The following COL22A1 variants were observed in gnomAD, a reference collection of about 807,000 sequenced individuals.
The protein encoded by COL22A1 is collagen alpha-1(XXII) chain.
Under a neutral mutation model 248.9 loss-of-function variants are expected in COL22A1, and 221 were observed. The observed-to-expected ratio is 0.89, with a 90% confidence interval of 0.80 to 0.99. COL22A1 has a LOEUF of 0.99. COL22A1 is among the 50% of genes least tolerant of loss of function. COL22A1 has a pLI of 0.00. For missense variants in COL22A1, 2,240 were observed against 2,179.0 expected (o/e 1.03, Z -0.56); for synonymous variants, 891 against 793.4 (o/e 1.12, Z -2.07).
intron 35 of COL22A1, among the ~76,000 whole-genome samples, chr8:138,691,214 C>T (rs1826822150): frequency 6.6e-6 from 1 of 152,162 alleles, no homozygotes; most frequent in South Asian, 2.1e-4. Context: ...TGAGGTTTGG[C>T]CTTATCCTAA....
In COL22A1 at chr8:138,854,841, A is replaced by C. The variant is rs139131373; in HGVS notation, c.659-10683T>G. On this transcript the variant is annotated intron_variant, in intron 3 of 64. Coordinates refer to ENST00000303045, the MANE Select transcript of COL22A1 (RefSeq NM_152888.3). ...GGTGATGATGGTGACGATGATGGTG[A>C]TGATGGTGATGTGGATGAGGTGGTG... is the stretch of plus-strand genomic sequence containing the variant. Among the ~76,000 whole-genome samples, 627 of 151,906 alleles carry C rather than the reference A, an allele frequency of 4.1e-3. 38 individuals carry two copies. The South Asian group carries it at 0.1, about 24-fold the overall frequency.
chr8:138,829,406 T>TTTTTG (rs1819853096), intron 5 of COL22A1, among the ~76,000 whole-genome samples: 3 of 135,348 alleles, frequency 2.2e-5, no homozygotes, highest in East Asian at 2.2e-4. Flanking sequence ...CTTTCCTGTT[T>TTTTTG]TTTTTTTTTT....
chr8:138,724,518 G>T, intron 25 of COL22A1, 97 bp downstream of exon 25: 1 of 1,219,822 alleles, frequency 8.2e-7, no homozygotes, highest in Non-Finnish European at 1.2e-6. Flanking sequence ...CTCAGCTCTA[G>T]GAAAGTGGCT....
intron 12 of COL22A1, among the ~76,000 whole-genome samples, chr8:138,788,071 G>C (rs982863883): frequency 9.2e-5 from 14 of 152,162 alleles, no homozygotes; most frequent in African/African-American, 3.4e-4. Flanking sequence ...AGGCCCTTTA[G>C]TGGGGTCTTA....
chr8:138,673,278 C>T (rs2130783265), intron 41 of COL22A1, among the ~76,000 whole-genome samples: 1 of 150,488 alleles, frequency 6.6e-6, no homozygotes, highest in Middle Eastern at 3.4e-3. Context: ...TGGCGGATCT[C>T]AGCTCACTGC....
intron 3 of COL22A1, among the ~76,000 whole-genome samples, chr8:138,877,477 C>T (rs983749205): frequency 4.6e-5 from 7 of 152,126 alleles, no homozygotes; most frequent in African/African-American, 2.4e-5. Flanking sequence ...CCTCTTTCAT[C>T]CCAAACCCCT....
chr8:138,641,686 C>T (rs187119476), intron 47 of COL22A1, among the ~76,000 whole-genome samples: 477 of 152,290 alleles, frequency 3.1e-3, no homozygotes, highest in African/African-American at 0.01. Context: ...GTAAGATAAA[C>T]CTTGGGGAAG....
At chr8:138,733,288 A>C (rs1359684668) in intron 23 of COL22A1, among the ~76,000 whole-genome samples, 1 of 152,218 alleles carries the variant, frequency 6.6e-6, no homozygotes, top group Non-Finnish European at 1.5e-5. Context: ...ATAGGACATC[A>C]TGGATGTATA....
Position 138,874,287 on chromosome 8 carries a change from A to G in COL22A1, c.658+3463T>C, listed in dbSNP as rs552260935. Among the ~76,000 whole-genome samples, 6 of 152,306 alleles carry G rather than the reference A, an allele frequency of 3.9e-5. 1 individual carries two copies. The South Asian group carries it at 1.2e-3, about 32-fold the overall frequency. On this transcript the variant is annotated intron_variant, in intron 3 of 64. Transcript: ENST00000303045. The stretch of plus-strand genomic sequence containing the variant: ...TTTTGGAGAAGCCCTGTCTTCACAG[A>G]ATCCATGAGCTTTTCTTGACGTGAT...
chr8:138,846,791 T>G (rs1821279318), intron 3 of COL22A1, among the ~76,000 whole-genome samples: 1 of 152,194 alleles, frequency 6.6e-6, no homozygotes, highest in South Asian at 2.1e-4. Context: ...CAAACTCAAT[T>G]CTTTACTGAG....
intron 43 of COL22A1, among the ~76,000 whole-genome samples, chr8:138,661,505 G>T (rs1564159977): frequency 6.6e-6 from 1 of 152,202 alleles, no homozygotes; most frequent in African/African-American, 2.4e-5. Context: ...GGACCATGAG[G>T]ATGCATAAGA....
chr8:138,828,226 C>T (rs1359373412), intron 5 of COL22A1: 3 of 152,110 alleles, frequency 2.0e-5, no homozygotes, highest in African/African-American at 7.3e-5. Flanking sequence ...AGTGCTAGTA[C>T]AGGACCTGGT....
intron 3 of COL22A1, among the ~76,000 whole-genome samples, chr8:138,849,496 G>A (rs1294784623): frequency 2.0e-5 from 3 of 152,214 alleles, no homozygotes; most frequent in African/African-American, 7.2e-5. Flanking sequence ...CAGCTTGCAG[G>A]TGGCAACGTC....
intron 54 of COL22A1, among the ~76,000 whole-genome samples, chr8:138,616,526 A>ATGCTTTCC: frequency 6.6e-6 from 1 of 152,304 alleles, no homozygotes; most frequent in Admixed American, 6.5e-5. Context: ...GGTAAAAGTG[A>ATGCTTTCC]TGCTTTCCAT....
chr8:138,805,011 G>A (rs1389311056), intron 10 of COL22A1, among the ~76,000 whole-genome samples: 1 of 143,584 alleles, frequency 7.0e-6, no homozygotes, highest in East Asian at 2.0e-4. Context: ...GCAATGGTGT[G>A]TGGTGGTGTG....
At chr8:138,829,128 A>G (rs2131803309) in intron 5 of COL22A1, among the ~76,000 whole-genome samples, 1 of 152,274 alleles carries the variant, frequency 6.6e-6, no homozygotes, top group South Asian at 2.1e-4. Flanking sequence ...TTCTCAGTTT[A>G]CATCTCCAGG....
chr8:138,615,880 T>C, intron 55 of COL22A1, 121 bp downstream of exon 55: 1 of 702,260 alleles, frequency 1.4e-6, no homozygotes, highest in Non-Finnish European at 2.5e-6. Flanking sequence ...TCCTGTGATG[T>C]CATCTGTGTG....
intron 3 of COL22A1, among the ~76,000 whole-genome samples, chr8:138,860,680 C>T (rs570802849): frequency 6.6e-6 from 1 of 152,274 alleles, no homozygotes; most frequent in East Asian, 1.9e-4. Context: ...TGGTGGTTCA[C>T]ACCTGTAGTC....
At chr8:138,854,390 C>T (rs1821861363) in intron 3 of COL22A1, among the ~76,000 whole-genome samples, 1 of 152,172 alleles carries the variant, frequency 6.6e-6, no homozygotes, top group African/African-American at 2.4e-5. Context: ...ATTCTCTCAA[C>T]AGCCTTCCTG....
Sources: allele counts gnomAD v4.1 joint callset (sites outside exome capture counted in the v4.1 genomes callset), GRCh38; gene constraint gnomAD v4.1.1; transcripts MANE v1.5; gene names NCBI Gene and HGNC (gene_info 2026-07-23, HGNC 2026-07-21).